PCDHA10: variants seen among roughly 807,000 people sequenced by gnomAD.
PCDHA10 encodes the protein protocadherin alpha-10.
A neutral mutation model predicts 61.2 loss-of-function variants in PCDHA10; 45 were observed. The observed-to-expected ratio is 0.74, with a 90% CI of 0.58 to 0.94. The LOEUF (loss-of-function observed/expected upper bound fraction) is 0.94, where lower values mean the gene tolerates loss of function less well. PCDHA10 is among the 40% of genes least tolerant of loss of function. The probability of loss-of-function intolerance (pLI) is 0.00; values close to 1 mark genes in which losing one functional copy is unlikely to be tolerated. For missense variants in PCDHA10, 1,278 were observed against 1,236.2 expected, an observed-to-expected ratio of 1.03 and a Z score of -0.51; for synonymous variants, 602 against 548.8, an observed-to-expected ratio of 1.10 and a Z score of -1.35.
At chr5:140,936,043 C>A (rs1246569956) in intron 1 of PCDHA10, among the ~76,000 whole-genome samples, 1 of 152,038 alleles carries the variant, frequency 6.6e-6, no homozygotes, top group Non-Finnish European at 1.5e-5. Context: ...CAGGCACCCA[C>A]CACCACACCC....
chr5:140,937,343 A>G (rs1412775724), intron 1 of PCDHA10, among the ~76,000 whole-genome samples: 1 of 151,948 alleles, frequency 6.6e-6, no homozygotes, highest in Non-Finnish European at 1.5e-5. Context: ...GGCTTCTTCC[A>G]TTTATTTTAT....
chr5:140,877,969 A>G (rs2057419330), intron 1 of PCDHA10: 1 of 1,276,842 alleles, frequency 7.8e-7, no homozygotes, highest in African/African-American at 1.5e-5. Flanking sequence ...TTTCTTGGTC[A>G]TTCTTACTCA....
At chr5:140,946,314 T>C (rs1307176539) in intron 1 of PCDHA10, among the ~76,000 whole-genome samples, 2 of 151,808 alleles carry the variant, frequency 1.3e-5, no homozygotes, top group African/African-American at 4.8e-5. Flanking sequence ...ATGGCTATTA[T>C]TGAAAGAGGA....
Position 140,857,611 on chromosome 5 carries a change from G to T in PCDHA10, c.1563G>T (p.Pro521=). 1 of 1,596,436 alleles carries T rather than the reference G, an allele frequency of 6.3e-7. No individual in the cohort carries two copies. The highest frequency in any genetic ancestry group is 1.7e-5 in the Admixed American group (1 of 59,326). The change falls in exon 1 of 4, where the codon CCG becomes CCT. Residue 521 remains proline, a synonymous_variant. Transcript: ENST00000307360. The part of the protein sequence containing the change: ...AESGKVYALQ[P]LDHEELELLQ... ...GCGGCAAGGTGTACGCGCTGCAGCC[G>T]CTGGACCACGAGGAGCTGGAGCTGC...
At chr5:140,876,955 G>C in intron 1 of PCDHA10, 1 of 1,613,390 alleles carries the variant, frequency 6.2e-7, no homozygotes, top group Admixed American at 1.7e-5. Flanking sequence ...CTACTCGCTG[G>C]TGGAGCGGCG....
At chr5:140,921,473 C>T (rs2080232887) in intron 1 of PCDHA10, among the ~76,000 whole-genome samples, 1 of 152,186 alleles carries the variant, frequency 6.6e-6, no homozygotes, top group African/African-American at 2.4e-5. Flanking sequence ...CACTACCAAA[C>T]CACTCTACCT....
At chr5:140,978,788 T>TA (rs2096823213) in intron 1 of PCDHA10, 161 bp from the exon 2 acceptor site, 1 of 974,810 alleles carries the variant, frequency 1.0e-6, no homozygotes, top group Non-Finnish European at 1.2e-6. Flanking sequence ...TCTAAAGTGC[T>TA]ATATATGTAG....
At chr5:140,947,655 A>G (rs942849633) in intron 1 of PCDHA10, among the ~76,000 whole-genome samples, 3 of 151,542 alleles carry the variant, frequency 2.0e-5, no homozygotes, top group Non-Finnish European at 4.4e-5. Context: ...ATATACCTCC[A>G]TTTACTTGGG....
intron 1 of PCDHA10, chr5:140,966,441 C>A (rs2096002534): frequency 4.7e-6 from 2 of 424,804 alleles, no homozygotes; most frequent in South Asian, 1.8e-4. Context: ...CTACCGCTCC[C>A]TTTCCCCCTC....
chr5:140,884,192 G>A, intron 1 of PCDHA10: 1 of 1,613,428 alleles, frequency 6.2e-7, no homozygotes, highest in Non-Finnish European at 8.5e-7. Context: ...CGAGGTGGAC[G>A]CGCCGCACCA....
intron 1 of PCDHA10, among the ~76,000 whole-genome samples, chr5:140,906,547 C>T (rs2072745421): frequency 6.6e-6 from 1 of 152,218 alleles, no homozygotes; most frequent in Non-Finnish European, 1.5e-5. Flanking sequence ...CTCATTTCTG[C>T]AACTGGTTGT....
chr5:140,907,883 G>GTGAA (rs2073669227), intron 1 of PCDHA10, among the ~76,000 whole-genome samples: 1 of 152,110 alleles, frequency 6.6e-6, no homozygotes, highest in Non-Finnish European at 1.5e-5. Flanking sequence ...CACTCACATG[G>GTGAA]GATACAAATA....
chr5:140,941,936 T>G (rs901567070), intron 1 of PCDHA10, among the ~76,000 whole-genome samples: 7 of 152,362 alleles, frequency 4.6e-5, no homozygotes, highest in Non-Finnish European at 7.3e-5. Flanking sequence ...ATATTTGAAT[T>G]ACTTTTGTTT....
chr5:140,896,406 C>CT (rs35238776), intron 1 of PCDHA10, among the ~76,000 whole-genome samples: 1 of 152,100 alleles, frequency 6.6e-6, no homozygotes, highest in Non-Finnish European at 1.5e-5. Flanking sequence ...TTATTTTTGA[C>CT]TTTTTAGTAA....
At position 140,858,391 on chromosome 5, in the gene PCDHA10, T is replaced by G. The variant is rs1214576702; in HGVS notation, c.2343T>G (p.Asp781Glu). The part of the protein sequence containing the change: ...SPSLPPCPMV[D>E]VDGEDQSIGG... ...GCCTTCCACCATGCCCAATGGTAGA[T>G]GTGGACGGGGAAGATCAGTCTATTG... The change falls in exon 1 of 4, where the codon GAT becomes GAG. Residue 781 changes from aspartate to glutamate, a missense_variant. Physicochemically the swap from Asp to Glu is conservative, Grantham distance 45 (BLOSUM62 2). Transcript: ENST00000307360. 2.5e-6 allele frequency: 4 copies of G among 1,577,710 alleles called. 1 individual carries two copies. The highest frequency in any genetic ancestry group is 3.5e-6 in the Non-Finnish European group (4 of 1,154,364).
chr5:140,871,180 G>C (rs376198166), intron 1 of PCDHA10: 48 of 1,613,470 alleles, frequency 3.0e-5, no homozygotes, highest in Non-Finnish European at 3.9e-5. Context: ...GGCTGCGCTG[G>C]TGGATGTCAA....
At chr5:140,942,588 ATATAAT>A (rs1164852863) in intron 1 of PCDHA10, among the ~76,000 whole-genome samples, 1 of 149,588 alleles carries the variant, frequency 6.7e-6, no homozygotes, top group Non-Finnish European at 1.5e-5. Flanking sequence ...AGGATGTCAC[ATATAAT>A]TATAGTGTTT....
rs1554225842 is a variant in PCDHA10 at position 140,962,164 on chromosome 5, C to T, written c.2389-16785C>T. Among the ~76,000 whole-genome samples the T allele has an allele frequency of 2.0e-5, 3 of 152,236 alleles. No individual in the cohort carries two copies. In the South Asian group the frequency reaches 6.2e-4, roughly 32 times the overall value. On this transcript the variant is annotated intron_variant, in intron 1 of 3. Transcript: ENST00000307360. ...TGCTGGGATTACAGGCGTGAGCCAC[C>T]ACACCCGGCCACTTATATCACTTTT...
chr5:140,999,550 G>A (rs1250301883), intron 3 of PCDHA10, among the ~76,000 whole-genome samples: 2 of 152,120 alleles, frequency 1.3e-5, no homozygotes, highest in African/African-American at 4.8e-5. Context: ...CCAATGAAGA[G>A]GGGGTATTTT....
Sources: gnomAD v4.1 joint callset for allele counts (sites outside exome capture counted in the v4.1 genomes callset) on GRCh38, gnomAD v4.1.1 for gene constraint, MANE v1.5 for transcripts, NCBI Gene and HGNC (gene_info 2026-07-23, HGNC 2026-07-21) for gene names.